The following DNAH8 variants were observed in gnomAD, a reference collection of about 807,000 sequenced individuals.
DNAH8 encodes the protein dynein axonemal heavy chain 8.
DNAH8 carries 382 observed loss-of-function variants against 562.1 expected under a neutral mutation model. The observed-to-expected ratio is 0.68, with a 90% confidence interval of 0.63 to 0.74. The LOEUF (loss-of-function observed/expected upper bound fraction) is 0.74, where lower values mean the gene tolerates loss of function less well. Ranked by LOEUF, DNAH8 falls within the 30% of genes least tolerant of loss-of-function variation. The pLI, the probability that DNAH8 is intolerant of heterozygous loss-of-function variation, is 0.00. For synonymous variants in DNAH8, 1,881 were observed against 1,919.4 expected, an observed-to-expected ratio of 0.98 and a Z score of 0.52; for missense variants, 5,203 against 5,620.4, an observed-to-expected ratio of 0.93 and a Z score of 2.37.
intron 24 of DNAH8, 57 bp downstream of exon 24, chr6:38,807,773 C>A: frequency 2.3e-6 from 2 of 857,436 alleles, no homozygotes; most frequent in Non-Finnish European, 1.7e-6. Flanking sequence ...GTGAATAGCA[C>A]CTCTTATAAA....
chr6:38,954,280 CA>C (rs1762107120), intron 82 of DNAH8, among the ~76,000 whole-genome samples: 1 of 152,126 alleles, frequency 6.6e-6, no homozygotes. Flanking sequence ...CACCTAAAAA[CA>C]AACGAAAGAG....
intron 88 of DNAH8, among the ~76,000 whole-genome samples, chr6:39,000,474 C>T (rs1765416617): frequency 6.6e-6 from 1 of 152,140 alleles, no homozygotes; most frequent in Non-Finnish European, 1.5e-5. Flanking sequence ...AGCACTACCG[C>T]CTGAGCTCTG....
At chr6:38,958,048 C>G (rs1281207583) in intron 82 of DNAH8, among the ~76,000 whole-genome samples, 1 of 151,992 alleles carries the variant, frequency 6.6e-6, no homozygotes, top group Non-Finnish European at 1.5e-5. Flanking sequence ...GTCTCCCAGG[C>G]TGGAATGCAG....
chr6:38,745,933 GT>G (rs1210492003), intron 8 of DNAH8, among the ~76,000 whole-genome samples: 1 of 152,178 alleles, frequency 6.6e-6, no homozygotes, highest in Non-Finnish European at 1.5e-5. Context: ...CCTTATTACT[GT>G]TTTAAAATTG....
At position 38,880,854 on chromosome 6, in the gene DNAH8, C is replaced by T. The variant is rs150248553; in HGVS notation, c.7859-2056C>T. Among the ~76,000 whole-genome samples the T allele has an allele frequency of 1.3e-3, 195 of 152,196 alleles. 1 individual carries two copies. The highest frequency in any genetic ancestry group is 4.4e-3 in the African/African-American group (182 of 41,526). On this transcript the variant is annotated intron_variant, in intron 53 of 92. Transcript: ENST00000327475. ...ACCAGCCTGGCCAACATGGTGAAAC[C>T]CCGTCTCTACTAAAAATACAAAAAT...
chr6:38,830,616 C>G (rs1289481636), intron 30 of DNAH8, among the ~76,000 whole-genome samples: 1 of 107,654 alleles, frequency 9.3e-6, no homozygotes, highest in Non-Finnish European at 1.7e-5. Flanking sequence ...GCCTGGGCAA[C>G]AGAGCAAGAC....
At chr6:38,739,252 G>A (rs1443073706) in intron 7 of DNAH8, among the ~76,000 whole-genome samples, 3 of 152,122 alleles carry the variant, frequency 2.0e-5, no homozygotes, top group Admixed American at 1.3e-4. Context: ...CTTTAGTCAT[G>A]TGGAAATTTA....
At chr6:38,880,952 C>G (rs1315229256) in intron 53 of DNAH8, among the ~76,000 whole-genome samples, 2 of 152,064 alleles carry the variant, frequency 1.3e-5, no homozygotes, top group Non-Finnish European at 2.9e-5. Context: ...TGCTTGAACC[C>G]GGAGATGGAG....
chr6:38,792,603 C>T (rs1295033334), intron 21 of DNAH8, among the ~76,000 whole-genome samples: 9 of 152,128 alleles, frequency 5.9e-5, no homozygotes, highest in Admixed American at 3.9e-4. Flanking sequence ...GGCACATAGT[C>T]CTTGCAGGAT....
chr6:39,012,005 T>TA (rs1252858371), intron 89 of DNAH8, among the ~76,000 whole-genome samples: 1 of 152,192 alleles, frequency 6.6e-6, no homozygotes, highest in East Asian at 1.9e-4. Flanking sequence ...CAGTAAGAAA[T>TA]AAAAATCATT....
At position 38,938,583 on chromosome 6, in the gene DNAH8, C is replaced by T. The variant is rs147415227; in HGVS notation, c.11817-215C>T. On this transcript the variant is annotated intron_variant, in intron 78 of 92. Coordinates refer to ENST00000327475, the MANE Select transcript of DNAH8 (RefSeq NM_001206927.2). ...TAGAGGAGAACAACAGACACTGTGACCTGTCAGAGAGTGGAGGGTGGGAGG... is the reference window on the plus strand; with the variant it reads ...TAGAGGAGAACAACAGACACTGTGATCTGTCAGAGAGTGGAGGGTGGGAGG... Among the ~76,000 whole-genome samples the T allele has an allele frequency of 1.3e-4, 20 of 152,134 alleles. No individual in the cohort carries two copies. In the East Asian group the frequency reaches 3.9e-3, roughly 29 times the overall value.
intron 82 of DNAH8, among the ~76,000 whole-genome samples, chr6:38,954,049 T>A (rs938913014): frequency 3.9e-5 from 6 of 152,182 alleles, no homozygotes; most frequent in African/African-American, 1.4e-4. Context: ...ACAGAATCAA[T>A]AAGTTTTTGT....
At position 38,938,930 on chromosome 6, in the gene DNAH8, A is replaced by G. The variant is rs1783207678; in HGVS notation, c.11949A>G (p.Leu3983=). ...HKFLFVLLMT[L]KIDLQRGTVK... ...TCCTGTTTGTACTCCTCATGACCTT[A>G]AAGATTGACCTTCAGAGAGGGACAG... Residue 3983 remains leucine, a synonymous_variant, in exon 79 of 93, where the codon TTA becomes TTG. Coordinates refer to ENST00000327475, the MANE Select transcript of DNAH8 (RefSeq NM_001206927.2). 1.2e-6 allele frequency: 2 copies of G among 1,613,804 alleles called. No homozygotes were observed. The highest frequency in any genetic ancestry group is 2.7e-5 in the African/African-American group (2 of 74,888).
intron 41 of DNAH8, among the ~76,000 whole-genome samples, chr6:38,853,645 A>C (rs1258192229): frequency 6.6e-6 from 1 of 152,104 alleles, no homozygotes; most frequent in African/African-American, 2.4e-5. Flanking sequence ...GTGTATTTGT[A>C]TACAGAAACT....
rs775119197 is a variant in DNAH8 at position 38,828,191 on chromosome 6, A to G, written c.4091A>G (p.Tyr1364Cys). The part of the protein sequence containing the change: ...DMTLGPIEEA[Y>C]AILNRFEVEV... The stretch of plus-strand genomic sequence containing the variant: ...TCCACCTTCATCCTGCAGGAAGCCT[A>G]TGCTATTTTAAACAGATTTGAAGTT... Residue 1364 changes from tyrosine (Y) to cysteine (C), a missense_variant, in exon 30 of 93, where the codon TAT (tyrosine) becomes TGT (cysteine). By Grantham distance (194) the Tyr-to-Cys change is radical. Around this residue, in one of 6 missense-constraint regions of DNAH8, gnomAD observed 2,176 missense variants for 2,365.1 expected, o/e 0.92. Coordinates refer to ENST00000327475, the MANE Select transcript of DNAH8 (RefSeq NM_001206927.2). 6.3e-7 allele frequency: 1 copy of G among 1,586,742 alleles called. No individual in the cohort carries two copies. Among genetic ancestry groups the G allele is most frequent in the South Asian group, 1.2e-5 (1 of 84,416 alleles).
intron 89 of DNAH8, 110 bp from the exon 90 acceptor site, chr6:39,012,105 C>T: frequency 2.7e-6 from 2 of 729,028 alleles, no homozygotes; most frequent in Non-Finnish European, 4.3e-6. Flanking sequence ...TTCATTTGGG[C>T]TGGTAGAGAT....
chr6:38,715,677 G>T (rs370721101), intron 1 of DNAH8, among the ~76,000 whole-genome samples: 1 of 151,258 alleles, frequency 6.6e-6, no homozygotes, highest in Non-Finnish European at 1.5e-5. Context: ...ACCAAATACC[G>T]CACGTTCTCA....
Position 38,960,605 on chromosome 6 carries a change from G to GA in DNAH8, c.12451+9092dup, listed in dbSNP as rs1373337137. The stretch of plus-strand genomic sequence containing the variant: ...TCACCCCAATTTACATGCCTTGTAT[G>GA]AAAAAAACCAGTAACACATGCTGGC... On this transcript the variant is annotated intron_variant, in intron 82 of 92. Coordinates refer to ENST00000327475, the MANE Select transcript of DNAH8 (RefSeq NM_001206927.2). 4.6e-5 allele frequency among the ~76,000 whole-genome samples: 7 copies of GA among 151,746 alleles called. No homozygotes were observed. The South Asian group carries it at 1.5e-3, about 31-fold the overall frequency.
intron 37 of DNAH8, among the ~76,000 whole-genome samples, chr6:38,849,768 C>T (rs918329705): frequency 6.6e-6 from 1 of 152,064 alleles, no homozygotes; most frequent in East Asian, 1.9e-4. Flanking sequence ...AGAAAATTTT[C>T]ACTTGCGAAA....
Sources: allele counts gnomAD v4.1 joint callset (sites outside exome capture counted in the v4.1 genomes callset), GRCh38; gene constraint gnomAD v4.1.1; regional missense constraint gnomAD v4.1.1; transcripts MANE v1.5; gene names NCBI Gene and HGNC (gene_info 2026-07-23, HGNC 2026-07-21).